Variants in LMO1 observed in about 807,000 individuals in gnomAD.
LMO1 encodes LIM domain only 1.
LMO1 carries 10 observed loss-of-function variants against 18.0 expected under a neutral mutation model. The ratio of observed to expected loss-of-function variants is 0.55; its 90% CI spans 0.34 to 0.94. The LOEUF is 0.94. LMO1 is among the 40% of genes least tolerant of loss of function. LMO1 has a pLI of 0.02. For missense variants in LMO1, 183 were observed against 205.7 expected (o/e 0.89, Z 0.68); for synonymous variants, 77 against 77.9 (o/e 0.99, Z 0.06).
At chr11:8,267,927 C>T (rs1401319620), upstream of LMO1, among the ~76,000 whole-genome samples, 2 of 152,218 alleles carry the variant, frequency 1.3e-5, no homozygotes, top group African/African-American at 2.4e-5. Flanking sequence ...AGAGACAGTG[C>T]TGGTTTGACG....
chr11:8,226,874 C>T (rs1180769376), intron 3 of LMO1, 101 bp downstream of exon 3: 7 of 1,462,800 alleles, frequency 4.8e-6, no homozygotes, highest in South Asian at 1.4e-5. Flanking sequence ...ACACACGCAA[C>T]CCGCATTTGC....
upstream of LMO1, chr11:8,268,342 G>T: frequency 8.3e-7 from 1 of 1,204,676 alleles, no homozygotes; most frequent in East Asian, 3.2e-5. Flanking sequence ...CCGCTAGCGG[G>T]GTGGACTCCG....
rs776260800 is a variant in LMO1 at position 8,263,395 on chromosome 11, T to G, written c.-33A>C. ...GCTCCGTGTCCAGCCGCAGCTAGGC[T>G]CGGCCGGGAGAAGGGCGCCGACTCG... On this transcript the variant is annotated 5_prime_UTR_variant, in exon 1 of 4. Transcript: ENST00000335790. 3.8e-6 allele frequency: 6 copies of G among 1,598,036 alleles called. No individual in the cohort carries two copies. Among genetic ancestry groups the G allele is most frequent in the South Asian group, 1.1e-5 (1 of 89,696 alleles).
intron 1 of LMO1, among the ~76,000 whole-genome samples, chr11:8,242,941 C>T (rs1846821183): frequency 6.6e-6 from 1 of 152,200 alleles, no homozygotes; most frequent in Non-Finnish European, 1.5e-5. Context: ...ATGTGTTCTC[C>T]AGGCACAAAG....
intron 1 of LMO1, among the ~76,000 whole-genome samples, chr11:8,255,969 G>A (rs1333928791): frequency 1.3e-5 from 2 of 151,938 alleles, no homozygotes; most frequent in East Asian, 1.9e-4. Context: ...GGGACTACAG[G>A]CGCCCGCCAC....
chr11:8,227,033 G>A lies in LMO1; in HGVS notation c.307C>T (p.Arg103Trp), dbSNP rs772724227. 4 of 1,613,762 alleles carry A rather than the reference G, an allele frequency of 2.5e-6. No homozygotes were observed. Among genetic ancestry groups the A allele is most frequent in the East Asian group, 4.5e-5 (2 of 44,896 alleles). ...AGGTGATACACGTTGTCCCGGGCCC[G>A]CATCACCATCTCGAAGGCTGGGATC... is the stretch of plus-strand genomic sequence containing the variant. ...KLIPAFEMVM[R>W]ARDNVYHLDC... is the part of the protein sequence containing the mutation. The change falls in exon 3 of 4, where the codon CGG becomes TGG. Residue 103 changes from arginine to tryptophan, a missense_variant. Transcript: ENST00000335790.
At chr11:8,233,189 C>T (rs1286455912) in intron 1 of LMO1, among the ~76,000 whole-genome samples, 1 of 152,150 alleles carries the variant, frequency 6.6e-6, no homozygotes, top group Non-Finnish European at 1.5e-5. Context: ...CCAAAGTGTC[C>T]CATGTCCACC....
intron 1 of LMO1, among the ~76,000 whole-genome samples, chr11:8,258,692 TG>T (rs994364959): frequency 3.3e-5 from 5 of 151,860 alleles, no homozygotes; most frequent in African/African-American, 1.2e-4. Context: ...TGACACAGGG[TG>T]GGGGTAAGGA....
intron 2 of LMO1, among the ~76,000 whole-genome samples, chr11:8,230,006 G>A (rs1164444973): frequency 6.6e-6 from 1 of 152,252 alleles, no homozygotes; most frequent in Non-Finnish European, 1.5e-5. Context: ...CAGGGGGGCG[G>A]AGCCAGACTG....
Position 8,230,487 on chromosome 11 carries a change from C to T in LMO1, c.43G>A (p.Val15Ile), listed in dbSNP as rs536636517. The change falls in exon 2 of 4, where the codon GTC becomes ATC. Residue 15 changes from valine (V) to isoleucine (I), a missense_variant. By Grantham distance (29) the Val-to-Ile change is conservative. Coordinates refer to ENST00000335790, the MANE Select transcript of LMO1 (RefSeq NM_002315.3). ...DKEDGVPMLS[V>I]QPKGKQKGCA... The stretch of plus-strand genomic sequence containing the variant: ...CCCTTCTGCTTCCCTTTGGGCTGGA[C>T]GGAGAGCATCGGCACGCCTGCAGAC... 3.1e-5 allele frequency: 50 copies of T among 1,612,588 alleles called. No individual in the cohort carries two copies. Among genetic ancestry groups the T allele is most frequent in the South Asian group, 3.1e-4 (28 of 91,074 alleles).
chr11:8,264,718 G>A (rs1025608843), upstream of LMO1, among the ~76,000 whole-genome samples: 5 of 150,720 alleles, frequency 3.3e-5, no homozygotes, highest in African/African-American at 7.3e-5. Flanking sequence ...TGCAAGCTCC[G>A]GCTCCCAGGT....
rs139286352 is a variant in LMO1, at chr11:8,258,587, C to A, written c.25+4751G>T. ...CCAAGGTTGAGAGACCAAAATAGAC[C>A]TCCTCTTGGTCCTGCCCACAAATAG... is the stretch of plus-strand genomic sequence containing the variant. On this transcript the variant is annotated intron_variant, in intron 1 of 3. Coordinates refer to ENST00000335790, the MANE Select transcript of LMO1 (RefSeq NM_002315.3). Among the ~76,000 whole-genome samples the A allele has an allele frequency of 6.2e-4, 94 of 152,296 alleles. No homozygotes were observed. The Middle Eastern group carries it at 0.01, about 17-fold the overall frequency.
intron 3 of LMO1, among the ~76,000 whole-genome samples, chr11:8,226,273 T>C (rs1590516291): frequency 6.6e-6 from 1 of 152,102 alleles, no homozygotes; most frequent in Non-Finnish European, 1.5e-5. Context: ...GGTGGGCAGA[T>C]AACCTGAGAT....
At chr11:8,260,612 C>T (rs1356708647) in intron 1 of LMO1, among the ~76,000 whole-genome samples, 1 of 152,000 alleles carries the variant, frequency 6.6e-6, no homozygotes, top group East Asian at 1.9e-4. Context: ...TTCAATACTT[C>T]AGAAAGTCTC....
intron 1 of LMO1, among the ~76,000 whole-genome samples, chr11:8,252,769 G>A (rs573196936): frequency 2.8e-4 from 42 of 152,326 alleles, no homozygotes; most frequent in Middle Eastern, 6.8e-3. Context: ...ATCTTGAGAT[G>A]AACCCACAGC....
At chr11:8,242,663 C>A (rs1168738844) in intron 1 of LMO1, among the ~76,000 whole-genome samples, 1 of 152,182 alleles carries the variant, frequency 6.6e-6, no homozygotes, top group African/African-American at 2.4e-5. Context: ...AAGCTGTGTT[C>A]CCCTGACGGC....
Position 8,263,467 on chromosome 11 carries a change from C to T in LMO1, c.-105G>A, listed in dbSNP as rs1847225679. Reference sequence around the variant, plus strand: ...CCGGTCTTCGGGCAGCTAGCGGGCTCTAATTACCCGCTTGTCCGGCTCTTA... The same window carrying T: ...CCGGTCTTCGGGCAGCTAGCGGGCTTTAATTACCCGCTTGTCCGGCTCTTA... On this transcript the variant is annotated 5_prime_UTR_variant, in exon 1 of 4. Coordinates refer to ENST00000335790, the MANE Select transcript of LMO1 (RefSeq NM_002315.3). 1.3e-6 allele frequency: 2 copies of T among 1,544,082 alleles called. No homozygotes were observed. The highest frequency in any genetic ancestry group is 1.9e-5 in the Admixed American group (1 of 52,470).
intron 1 of LMO1, among the ~76,000 whole-genome samples, chr11:8,253,913 G>C (rs914631046): frequency 2.6e-4 from 39 of 152,128 alleles, no homozygotes; most frequent in African/African-American, 8.7e-4. Flanking sequence ...TCAGCACCCA[G>C]TGAGGGCCGA....
chr11:8,261,392 A>T (rs1022449031), intron 1 of LMO1, among the ~76,000 whole-genome samples: 44 of 152,186 alleles, frequency 2.9e-4, no homozygotes, highest in Admixed American at 1.5e-3. Flanking sequence ...TTCTCACTCA[A>T]GGCTCATCTG....
Sources: gnomAD v4.1 joint callset for allele counts (sites outside exome capture counted in the v4.1 genomes callset) on GRCh38, gnomAD v4.1.1 for gene constraint, MANE v1.5 for transcripts, NCBI Gene and HGNC (gene_info 2026-07-23, HGNC 2026-07-21) for gene names.